GMDS: variants seen among roughly 807,000 people sequenced by gnomAD.
The protein encoded by GMDS is GDP-mannose 4,6 dehydratase.
Under a neutral mutation model 49.9 loss-of-function variants are expected in GMDS, and 20 were observed. That is an observed-to-expected ratio of 0.40 (90% CI 0.28 to 0.58). The LOEUF is 0.58. Ranked by LOEUF, GMDS falls within the 20% of genes least tolerant of loss-of-function variation. The pLI, the probability that GMDS is intolerant of heterozygous loss-of-function variation, is 0.42. For synonymous variants in GMDS, 177 were observed against 178.6 expected, an observed-to-expected ratio of 0.99 and a Z score of 0.07; for missense variants, 362 against 481.4, an observed-to-expected ratio of 0.75 and a Z score of 2.32.
chr6:1,771,982 T>TTA (rs1768594788), intron 7 of GMDS, among the ~76,000 whole-genome samples: 1 of 132,878 alleles, frequency 7.5e-6, no homozygotes, highest in Admixed American at 7.6e-5. Flanking sequence ...AAGAAGGTTT[T>TTA]TGTGTAATTT....
chr6:1,706,235 G>A (rs926143676), intron 9 of GMDS, among the ~76,000 whole-genome samples: 1 of 152,124 alleles, frequency 6.6e-6, no homozygotes, highest in Non-Finnish European at 1.5e-5. Context: ...GCACCATCGC[G>A]GCACAGCTGA....
At chr6:1,712,071 A>T (rs933506986) in intron 9 of GMDS, among the ~76,000 whole-genome samples, 1 of 152,226 alleles carries the variant, frequency 6.6e-6, no homozygotes, top group Admixed American at 6.5e-5. Flanking sequence ...CTCTAAGATC[A>T]CGAGAAAACT....
chr6:1,756,188 T>C (rs927362900), intron 7 of GMDS, among the ~76,000 whole-genome samples: 1 of 151,750 alleles, frequency 6.6e-6, no homozygotes, highest in African/African-American at 2.4e-5. Context: ...AATACACATA[T>C]AAACAAAGGC....
chr6:2,129,410 C>T (rs961277249), intron 1 of GMDS, among the ~76,000 whole-genome samples: 1 of 152,128 alleles, frequency 6.6e-6, no homozygotes. Context: ...TTCTTACATG[C>T]AATGTGAGAA....
chr6:1,809,165 G>T (rs949675652), intron 7 of GMDS, among the ~76,000 whole-genome samples: 1 of 152,022 alleles, frequency 6.6e-6, no homozygotes, highest in Non-Finnish European at 1.5e-5. Context: ...TTTTCTCCAG[G>T]CTCCTCCCTC....
At chr6:1,751,327 G>A (rs1020668052) in intron 7 of GMDS, among the ~76,000 whole-genome samples, 1 of 152,158 alleles carries the variant, frequency 6.6e-6, no homozygotes, top group African/African-American at 2.4e-5. Context: ...GGAGAGCTCC[G>A]GCTAGCATCT....
At chr6:1,680,771 AAAG>A (rs1764761737) in intron 9 of GMDS, among the ~76,000 whole-genome samples, 1 of 152,198 alleles carries the variant, frequency 6.6e-6, no homozygotes, top group Admixed American at 6.5e-5. Flanking sequence ...CAAACCACAA[AAAG>A]ATGACTGCAA....
intron 4 of GMDS, among the ~76,000 whole-genome samples, chr6:2,082,121 A>G (rs1772745589): frequency 6.6e-6 from 1 of 152,226 alleles, no homozygotes; most frequent in Non-Finnish European, 1.5e-5. Flanking sequence ...CAAGATGAAG[A>G]AAGTAATGAG....
chr6:1,767,286 T>C (rs1768397054), intron 7 of GMDS, among the ~76,000 whole-genome samples: 1 of 152,142 alleles, frequency 6.6e-6, no homozygotes, highest in Admixed American at 6.5e-5. Flanking sequence ...AGAGGTCCTG[T>C]ATAACAGAAA....
chr6:1,658,489 G>A (rs189832658), intron 9 of GMDS, among the ~76,000 whole-genome samples: 1 of 152,370 alleles, frequency 6.6e-6, no homozygotes, highest in East Asian at 1.9e-4. Flanking sequence ...CTCCTGGACA[G>A]GCAGAGGGAA....
At chr6:1,824,961 C>G (rs1401658635) in intron 7 of GMDS, among the ~76,000 whole-genome samples, 1 of 152,176 alleles carries the variant, frequency 6.6e-6, no homozygotes, top group Non-Finnish European at 1.5e-5. Flanking sequence ...CTCGGGCACC[C>G]AGCACGGTGC....
At chr6:1,678,577 T>C (rs955127772) in intron 9 of GMDS, among the ~76,000 whole-genome samples, 2 of 152,166 alleles carry the variant, frequency 1.3e-5, no homozygotes, top group Non-Finnish European at 2.9e-5. Flanking sequence ...CAATGGACTT[T>C]TATTTTTTTT....
chr6:1,718,589 C>T (rs1561754111), intron 9 of GMDS, among the ~76,000 whole-genome samples: 1 of 152,124 alleles, frequency 6.6e-6, no homozygotes, highest in Non-Finnish European at 1.5e-5. Flanking sequence ...CGGGCTGTCC[C>T]GGCAGCTTCG....
intron 1 of GMDS, among the ~76,000 whole-genome samples, chr6:2,223,147 C>A (rs578152413): frequency 0.015 from 2,286 of 151,446 alleles, 34 homozygotes; most frequent in African/African-American, 0.046. Flanking sequence ...CTCTCTCTCT[C>A]TCTATATATA....
intron 7 of GMDS, among the ~76,000 whole-genome samples, chr6:1,887,587 C>T (rs569991417): frequency 1.2e-4 from 18 of 152,204 alleles, no homozygotes; most frequent in Admixed American, 3.3e-4. Flanking sequence ...CCTTCTCTAC[C>T]GGTTCCTTTC....
rs144657162 is a variant in GMDS, at chr6:1,864,603, A to T, written c.771+65500T>A. ...TGGTTCATTTAGTAGTGTTGACTAAATGTGGCAAAGGCAGATTTGCTGGTG... is the reference window on the plus strand; with the variant it reads ...TGGTTCATTTAGTAGTGTTGACTAATTGTGGCAAAGGCAGATTTGCTGGTG... On this transcript the variant is annotated intron_variant, in intron 7 of 10. Transcript: ENST00000380815. Among the ~76,000 whole-genome samples, 189 of 152,334 alleles carry T rather than the reference A, an allele frequency of 1.2e-3. 1 individual carries two copies. The highest frequency in any genetic ancestry group is 3.7e-3 in the African/African-American group (152 of 41,588).
intron 9 of GMDS, among the ~76,000 whole-genome samples, chr6:1,633,373 G>C (rs1763052349): frequency 6.6e-6 from 1 of 152,150 alleles, no homozygotes; most frequent in Non-Finnish European, 1.5e-5. Context: ...CTTGCTTGTT[G>C]CCACATATTT....
chr6:1,725,556 C>G (rs1187408668), intron 9 of GMDS, among the ~76,000 whole-genome samples: 2 of 152,074 alleles, frequency 1.3e-5, no homozygotes, highest in African/African-American at 2.4e-5. Context: ...GCCTCAGCCT[C>G]CCGAGTAGTG....
rs1253129621 is a variant in GMDS, at chr6:2,110,605, C to T, written c.345+5166G>A. On this transcript the variant is annotated intron_variant, in intron 4 of 10. Coordinates refer to ENST00000380815, the MANE Select transcript of GMDS (RefSeq NM_001500.4). ...TGGAGGAGTGTTCAGACTCAACCCC[C>T]TGGGGCTTCCACAGTCAGAATCTGC... Among the ~76,000 whole-genome samples, 3 of 152,170 alleles carry T rather than the reference C, an allele frequency of 2.0e-5. No homozygotes were observed. The East Asian group carries it at 5.8e-4, about 29-fold the overall frequency.
Sources: gnomAD v4.1 joint callset for allele counts (sites outside exome capture counted in the v4.1 genomes callset) on GRCh38, gnomAD v4.1.1 for gene constraint, MANE v1.5 for transcripts, NCBI Gene and HGNC (gene_info 2026-07-23, HGNC 2026-07-21) for gene names.